The following GFPT2 variants were observed in gnomAD, a reference collection of about 807,000 sequenced individuals.
GFPT2 encodes the protein glutamine--fructose-6-phosphate transaminase 2, also known as glutamine--fructose-6-phosphate aminotransferase [isomerizing] 2.
A neutral mutation model predicts 85.6 loss-of-function variants in GFPT2; 62 were observed. The observed-to-expected ratio is 0.72, with a 90% CI of 0.59 to 0.90. The LOEUF is 0.90. Ranked by LOEUF, GFPT2 falls within the 40% of genes least tolerant of loss-of-function variation. GFPT2 has a pLI of 0.00. For missense variants in GFPT2, 788 were observed against 893.4 expected, an observed-to-expected ratio of 0.88 and a Z score of 1.50; for synonymous variants, 368 against 344.5, an observed-to-expected ratio of 1.07 and a Z score of -0.75.
chr5:180,310,108 C>A (rs1763851602), intron 15 of GFPT2, among the ~76,000 whole-genome samples: 1 of 151,342 alleles, frequency 6.6e-6, no homozygotes, highest in Non-Finnish European at 1.5e-5. Context: ...CCGTGCCCAG[C>A]CTTTTCTTTT....
intron 10 of GFPT2, among the ~76,000 whole-genome samples, chr5:180,317,639 G>C (rs545104625): frequency 7.2e-6 from 1 of 139,780 alleles, no homozygotes; most frequent in African/African-American, 2.8e-5. Flanking sequence ...GGCGCCTGTA[G>C]TCCCAGCTAC....
At chr5:180,307,994 C>T (rs367801587) in intron 15 of GFPT2, among the ~76,000 whole-genome samples, 3 of 152,084 alleles carry the variant, frequency 2.0e-5, no homozygotes, top group Admixed American at 6.6e-5. Flanking sequence ...CGGTGGCTCA[C>T]GCCTGTAATC....
intron 15 of GFPT2, among the ~76,000 whole-genome samples, chr5:180,309,621 A>G (rs960722048): frequency 2.6e-5 from 4 of 152,034 alleles, no homozygotes; most frequent in African/African-American, 9.7e-5. Context: ...TGCGTTGGTC[A>G]GGCTGGTCTC....
rs1764049750 is a variant in GFPT2 at position 180,318,112 on chromosome 5, G to A, written c.958+681C>T. 6.6e-6 allele frequency among the ~76,000 whole-genome samples: 1 copy of A among 152,130 alleles called. No homozygotes were observed. The highest frequency in any genetic ancestry group is 1.5e-5 in the Non-Finnish European group (1 of 68,032). On this transcript the variant is annotated intron_variant, in intron 10 of 18. Transcript: ENST00000253778. The surrounding 1 kb of genome is among the most constrained non-coding windows in gnomAD (Gnocchi z 4.2). Reference sequence around the variant, plus strand: ...TCTCTGAGGGGGTGACATTTCAAGGGAGCTGGAGGCAATGAAAAGGAACCA... The same window carrying A: ...TCTCTGAGGGGGTGACATTTCAAGGAAGCTGGAGGCAATGAAAAGGAACCA...
rs754854407 is a variant in GFPT2, at chr5:180,335,893, C to T, written c.275G>A (p.Arg92His). 5.9e-5 allele frequency: 93 copies of T among 1,580,282 alleles called. No individual in the cohort carries two copies. Among genetic ancestry groups the T allele is most frequent in the Non-Finnish European group, 7.4e-5 (86 of 1,168,284 alleles). Residue 92 changes from arginine (R) to histidine (H), a missense_variant, in exon 4 of 19, where the codon CGC becomes CAC. Physicochemically the swap from Arg to His is conservative, Grantham distance 29. Transcript: ENST00000253778. ...FETHFGIAHT[R>H]WATHGVPSAV... The stretch of plus-strand genomic sequence containing the variant: ...ACTGGGGACCCCGTGGGTGGCCCAG[C>T]GCGTGTGGGCAATGCCGAAGTGTGT...
rs948117158 is a variant in GFPT2, at chr5:180,328,485, G to A, written c.535-147C>T. The A allele has an allele frequency of 2.7e-5, 17 of 636,694 alleles. No individual in the cohort carries two copies. The highest frequency in any genetic ancestry group is 2.4e-4 in the Admixed American group (9 of 37,308). The allele number at this position is 636,694 out of a possible 1,614,324, so 39.4% of individuals were successfully genotyped here. On this transcript the variant is annotated intron_variant, in intron 6 of 18. Coordinates refer to ENST00000253778, the MANE Select transcript of GFPT2 (RefSeq NM_005110.4). The surrounding 1 kb of genome is among the most constrained non-coding windows in gnomAD (Gnocchi z 5.4). ...GAGCTGAGTGCAGAACAGCGCATCC[G>A]GGGTGACATCACGAGGGAAAGCAAA... is the stretch of plus-strand genomic sequence containing the variant.
At chr5:180,326,083 T>G (rs1764206782) in intron 7 of GFPT2, among the ~76,000 whole-genome samples, 1 of 152,142 alleles carries the variant, frequency 6.6e-6, no homozygotes, top group Admixed American at 6.5e-5. Flanking sequence ...ATATCCTGAT[T>G]CCAAAATCTA....
intron 5 of GFPT2, 184 bp from the exon 6 acceptor site, chr5:180,331,018 C>T: frequency 5.1e-6 from 3 of 590,452 alleles, no homozygotes; most frequent in Middle Eastern, 4.4e-4. Context: ...CTCCCGGAGG[C>T]CCTGAGATCA....
In GFPT2 at chr5:180,336,489, TTCA is replaced by T; in HGVS notation, c.201_203del (p.Asp67del). 6.3e-7 allele frequency: 1 copy of T among 1,592,014 alleles called. No individual in the cohort carries two copies. The highest frequency in any genetic ancestry group is 1.7e-4 in the Middle Eastern group (1 of 6,022). ...AGGTCCTCCACTTACTGTAAAGTTC[TTCA>T]TCGAGAGCCTTGACTTTCCCCCTTT... On this transcript the variant is annotated inframe_deletion, in exon 3 of 19. Transcript: ENST00000253778.
Position 180,331,563 on chromosome 5 carries a change from A to C in GFPT2, c.341-10T>G. Reference sequence around the variant, plus strand: ...TGGATGACAACAAATTCTGAAAGAAAAGTTAAGAGAGAAATGCTATTGAGA... The same window carrying C: ...TGGATGACAACAAATTCTGAAAGAACAGTTAAGAGAGAAATGCTATTGAGA... On this transcript the variant is annotated splice_polypyrimidine_tract_variant and intron_variant, in intron 4 of 18. Coordinates refer to ENST00000253778, the MANE Select transcript of GFPT2 (RefSeq NM_005110.4). 6.6e-7 allele frequency: 1 copy of C among 1,514,676 alleles called. No individual in the cohort carries two copies. Among genetic ancestry groups the C allele is most frequent in the African/African-American group, 1.4e-5 (1 of 73,172 alleles). The allele number at this position is 1,514,676 out of a possible 1,614,324, so 93.8% of individuals were successfully genotyped here. A position where few individuals can be genotyped will look rare whatever the true frequency, so the allele number is the denominator to read the frequency against.
intron 15 of GFPT2, among the ~76,000 whole-genome samples, chr5:180,307,570 G>A (rs1443680720): frequency 6.6e-6 from 1 of 150,724 alleles, no homozygotes; most frequent in Non-Finnish European, 1.5e-5. Flanking sequence ...CGTTTTGCAG[G>A]TAAGACAACT....
At chr5:180,327,715 C>T (rs548732934) in intron 7 of GFPT2, among the ~76,000 whole-genome samples, 1 of 152,166 alleles carries the variant, frequency 6.6e-6, no homozygotes, top group South Asian at 2.1e-4. Flanking sequence ...AACAGGATGG[C>T]ACTTAACCTG....
intron 15 of GFPT2, 142 bp downstream of exon 15, chr5:180,312,288 T>C (rs1380496645): frequency 1.6e-6 from 1 of 639,884 alleles, no homozygotes. Flanking sequence ...CAGCAAGGCC[T>C]CCAGGAGGGA....
chr5:180,317,900 G>A (rs1015530454), intron 10 of GFPT2, among the ~76,000 whole-genome samples: 4 of 152,104 alleles, frequency 2.6e-5, no homozygotes, highest in Non-Finnish European at 5.9e-5. Context: ...GTACCCACAG[G>A]CAGGGCAGGC....
At chr5:180,331,710 G>C in intron 4 of GFPT2, 157 bp from the exon 5 acceptor site, 1 of 656,508 alleles carries the variant, frequency 1.5e-6, no homozygotes, top group Non-Finnish European at 2.7e-6. Context: ...AGATGTTTAC[G>C]GCAGCAACTA....
In GFPT2 at chr5:180,301,482, C is replaced by A; in HGVS notation, c.*82G>T. The A allele has an allele frequency of 8.5e-7, 1 of 1,182,994 alleles. No individual in the cohort carries two copies. The highest frequency in any genetic ancestry group is 1.3e-6 in the Non-Finnish European group (1 of 787,254). 73.3% of individuals were successfully genotyped at this position (1,182,994 alleles called of 1,614,324 possible). ...CGCAGAACATGTGGGATGTCCACTT[C>A]TCTTCCCATGTAGCATCCCTGCTGT... On this transcript the variant is annotated 3_prime_UTR_variant, in exon 19 of 19. Coordinates refer to ENST00000253778, the MANE Select transcript of GFPT2 (RefSeq NM_005110.4).
chr5:180,343,662 G>A (rs1474961574), intron 1 of GFPT2, among the ~76,000 whole-genome samples: 2 of 152,252 alleles, frequency 1.3e-5, no homozygotes, highest in Admixed American at 6.5e-5. Flanking sequence ...TAGCGTTCAC[G>A]CTGTGCTCTT....
intron 1 of GFPT2, among the ~76,000 whole-genome samples, chr5:180,346,785 C>T (rs1398906442): frequency 6.6e-6 from 1 of 152,240 alleles, no homozygotes; most frequent in African/African-American, 2.4e-5. Flanking sequence ...CTTTTCAAGG[C>T]ATCTGTCACT....
chr5:180,328,357 T>G lies in GFPT2; in HGVS notation c.535-19A>C. The G allele has an allele frequency of 6.2e-7, 1 of 1,603,268 alleles. No individual in the cohort carries two copies. Among genetic ancestry groups the G allele is most frequent in the Non-Finnish European group, 8.5e-7 (1 of 1,170,636 alleles). ...CACCTTCCTGAAAACACACAAACAGTGAGGGTCAACGCGTTCCAGCAGCCG... is the reference window on the plus strand; with the variant it reads ...CACCTTCCTGAAAACACACAAACAGGGAGGGTCAACGCGTTCCAGCAGCCG... On this transcript the variant is annotated intron_variant, in intron 6 of 18. Transcript: ENST00000253778. The surrounding 1 kb of genome is among the most constrained non-coding windows in gnomAD (Gnocchi z 5.4).
Sources: allele counts gnomAD v4.1 joint callset (sites outside exome capture counted in the v4.1 genomes callset), GRCh38; gene constraint gnomAD v4.1.1; non-coding constraint Gnocchi (gnomAD v3.1); transcripts MANE v1.5; gene names NCBI Gene and HGNC (gene_info 2026-07-23, HGNC 2026-07-21).